NYAP2: variants seen among roughly 807,000 people sequenced by gnomAD.
NYAP2 encodes the protein neuronal tyrosine-phosphorylated phosphoinositide-3-kinase adaptor 2, also known as neuronal tyrosine-phosphorylated phosphoinositide-3-kinase adapter 2.
A neutral mutation model predicts 50.4 loss-of-function variants in NYAP2; 23 were observed. The observed-to-expected ratio is 0.46, with a 90% CI of 0.33 to 0.65. The LOEUF (loss-of-function observed/expected upper bound fraction) is 0.65, where lower values mean the gene tolerates loss of function less well. Among genes scored for constraint, NYAP2 ranks in the 30% least tolerant of loss-of-function variants. NYAP2 has a pLI of 0.02. For synonymous variants in NYAP2, 394 were observed against 365.2 expected (o/e 1.08, Z -0.90); for missense variants, 885 against 861.0 (o/e 1.03, Z -0.35).
chr2:225,528,072 T>C (rs1050123248), intron 4 of NYAP2, among the ~76,000 whole-genome samples: 171 of 152,300 alleles, frequency 1.1e-3, no homozygotes, highest in African/African-American at 3.9e-3. Context: ...ATATTCATGG[T>C]CCTGCTTCTG....
intron 3 of NYAP2, among the ~76,000 whole-genome samples, chr2:225,443,092 C>T (rs933251067): frequency 6.6e-6 from 1 of 152,114 alleles, no homozygotes; most frequent in Non-Finnish European, 1.5e-5. Context: ...ATTTAATTAC[C>T]TTCCACTGGG....
intron 4 of NYAP2, among the ~76,000 whole-genome samples, chr2:225,515,906 C>A (rs900526380): frequency 6.6e-6 from 1 of 152,000 alleles, no homozygotes; most frequent in African/African-American, 2.4e-5. Flanking sequence ...AATAAAAGAA[C>A]CACCCAAAGA....
the NYAP2 span, chr2:225,701,889 T>C: frequency 3.3e-5 from 5 of 151,830 alleles, no homozygotes; most frequent in African/African-American, 4.8e-5. Context: ...GTCTTGCCTA[T>C]ACATGGAATT....
At chr2:225,657,430 TG>T (rs1444860780), downstream of NYAP2, among the ~76,000 whole-genome samples, 1 of 151,890 alleles carries the variant, frequency 6.6e-6, no homozygotes, top group Non-Finnish European at 1.5e-5. Flanking sequence ...TTTCATCTCC[TG>T]GGTGCCCACC....
intron 3 of NYAP2, among the ~76,000 whole-genome samples, chr2:225,463,459 T>G (rs1323778099): frequency 1.3e-5 from 2 of 152,272 alleles, no homozygotes; most frequent in African/African-American, 4.8e-5. Context: ...CTTTTTCAGG[T>G]GCTCCTACTT....
chr2:225,559,720 G>A (rs1030349382), intron 4 of NYAP2, among the ~76,000 whole-genome samples: 1 of 151,938 alleles, frequency 6.6e-6, no homozygotes, highest in African/African-American at 2.4e-5. Context: ...TTGAAATGAA[G>A]TGGGGCTTTC....
chr2:225,615,823 C>T (rs1692979143), intron 5 of NYAP2, among the ~76,000 whole-genome samples: 1 of 152,180 alleles, frequency 6.6e-6, no homozygotes, highest in South Asian at 2.1e-4. Flanking sequence ...CCTGCTATTT[C>T]TCCACCCTCT....
intron 4 of NYAP2, among the ~76,000 whole-genome samples, chr2:225,531,002 C>A: frequency 6.6e-6 from 1 of 152,206 alleles, no homozygotes; most frequent in East Asian, 1.9e-4. Context: ...ATCTTTCCTG[C>A]AGGTTCACTT....
At chr2:225,495,082 T>A (rs1690479027) in intron 3 of NYAP2, among the ~76,000 whole-genome samples, 1 of 152,226 alleles carries the variant, frequency 6.6e-6, no homozygotes, top group South Asian at 2.1e-4. Flanking sequence ...CTTATTTTAA[T>A]AATTTACAAG....
chr2:225,449,979 TAAG>T (rs1378607870), intron 3 of NYAP2, among the ~76,000 whole-genome samples: 1 of 152,124 alleles, frequency 6.6e-6, no homozygotes, highest in African/African-American at 2.4e-5. Flanking sequence ...TGACACCTGA[TAAG>T]TATTTATTAG....
At chr2:225,494,100 G>T (rs918811304) in intron 3 of NYAP2, among the ~76,000 whole-genome samples, 2 of 152,208 alleles carry the variant, frequency 1.3e-5, no homozygotes, top group African/African-American at 4.8e-5. Context: ...GAAAGTGTCT[G>T]TAGCAACACA....
At chr2:225,633,885 C>A (rs896148707) in intron 6 of NYAP2, among the ~76,000 whole-genome samples, 3 of 152,156 alleles carry the variant, frequency 2.0e-5, no homozygotes, top group African/African-American at 7.2e-5. Context: ...ACCCGAAGAC[C>A]ACACACTTGC....
chr2:225,465,110 T>C (rs1362655246), intron 3 of NYAP2, among the ~76,000 whole-genome samples: 4 of 152,018 alleles, frequency 2.6e-5, no homozygotes, highest in African/African-American at 9.7e-5. Context: ...ATAAGGAAAA[T>C]AGCAAATTTC....
intron 3 of NYAP2, among the ~76,000 whole-genome samples, chr2:225,470,225 T>G (rs1689990757): frequency 6.6e-6 from 1 of 152,194 alleles, no homozygotes; most frequent in Admixed American, 6.5e-5. Context: ...GTGCCTAAAG[T>G]AAAAGACTTG....
chr2:225,635,330 ATTGT>A (rs1253524056), intron 6 of NYAP2, among the ~76,000 whole-genome samples: 1 of 152,164 alleles, frequency 6.6e-6, no homozygotes, highest in Non-Finnish European at 1.5e-5. Flanking sequence ...TTTGGTGTCA[ATTGT>A]TTGATGAAAT....
At chr2:225,604,180 A>C (rs1441554576) in intron 5 of NYAP2, among the ~76,000 whole-genome samples, 1 of 151,870 alleles carries the variant, frequency 6.6e-6, no homozygotes, top group East Asian at 1.9e-4. Context: ...GGATGACAAG[A>C]GTTCATTCAA....
At chr2:225,443,827 T>C (rs1689510143) in intron 3 of NYAP2, among the ~76,000 whole-genome samples, 2 of 152,216 alleles carry the variant, frequency 1.3e-5, no homozygotes, top group African/African-American at 4.8e-5. Context: ...ACTAGTAAAG[T>C]AGTTTTATGA....
intron 6 of NYAP2, among the ~76,000 whole-genome samples, chr2:225,637,458 C>T (rs1340865938): frequency 6.6e-6 from 1 of 152,200 alleles, no homozygotes; most frequent in African/African-American, 2.4e-5. Context: ...TCAGATCATG[C>T]ATCAGAAGAC....
chr2:225,499,886 CAG>C (rs1021782922), intron 3 of NYAP2, among the ~76,000 whole-genome samples: 7 of 152,044 alleles, frequency 4.6e-5, no homozygotes, highest in East Asian at 3.9e-4. Flanking sequence ...TAGAGAGAAA[CAG>C]AGAAAGAATA....
Sources: allele counts gnomAD v4.1 joint callset (sites outside exome capture counted in the v4.1 genomes callset), GRCh38; gene constraint gnomAD v4.1.1; transcripts MANE v1.5; gene names NCBI Gene and HGNC (gene_info 2026-07-23, HGNC 2026-07-21).